AIRE: variants seen among roughly 807,000 people sequenced by gnomAD.
The protein encoded by AIRE is autoimmune regulator.
Under a neutral mutation model 62.1 loss-of-function variants are expected in AIRE, and 52 were observed. The observed-to-expected ratio is 0.84, with a 90% CI of 0.67 to 1.06. The LOEUF (loss-of-function observed/expected upper bound fraction) is 1.06. Among genes scored for constraint, AIRE ranks in the 50% least tolerant of loss-of-function variants. AIRE has a pLI of 0.00. For synonymous variants in AIRE, 342 were observed against 321.6 expected (o/e 1.06, Z -0.68); for missense variants, 774 against 755.8 (o/e 1.02, Z -0.28).
Position 44,295,779 on chromosome 21 carries a change from C to T in AIRE, c.1504-604C>T, listed in dbSNP as rs562620111. Among the ~76,000 whole-genome samples, 352 of 152,054 alleles carry T rather than the reference C, an allele frequency of 2.3e-3. 2 individuals are homozygous for T. The highest frequency in any genetic ancestry group is 0.011 in the South Asian group (53 of 4,826). ...CACCCCCTGGGAGCATCCTTAGGAC[C>T]GGGGAGCATCCAGGGGCTTTCCCCT... On this transcript the variant is annotated intron_variant, in intron 12 of 13. Coordinates refer to ENST00000291582, the MANE Select transcript of AIRE (RefSeq NM_000383.4).
At position 44,287,682 on chromosome 21, in the gene AIRE, T is replaced by C. The variant is rs1293426945; in HGVS notation, c.538+91T>C. On this transcript the variant is annotated intron_variant, in intron 4 of 13. Coordinates refer to ENST00000291582, the MANE Select transcript of AIRE (RefSeq NM_000383.4). The surrounding 1 kb of genome is among the most constrained non-coding windows in gnomAD (Gnocchi z 4.3). ...GCAGGGCCTGCCCTCTGAGACCCTGTCCTAGGGGCTGGGGACGTGCTGGCC... is the reference window on the plus strand; with the variant it reads ...GCAGGGCCTGCCCTCTGAGACCCTGCCCTAGGGGCTGGGGACGTGCTGGCC... The C allele has an allele frequency of 7.5e-7, 1 of 1,327,886 alleles. No homozygotes were observed. The highest frequency in any genetic ancestry group is 1.5e-5 in the African/African-American group (1 of 68,398). 82.3% of individuals were successfully genotyped at this position (1,327,886 alleles called of 1,614,324 possible).
Position 44,297,786 on chromosome 21 carries a change from C to A in AIRE, c.*59C>A. ...AGAGTGCTGAGAAGGACACCTCCTTCCTCAGTCCTGGAAGCCGGCCGGCTG... is the reference window on the plus strand; with the variant it reads ...AGAGTGCTGAGAAGGACACCTCCTTACTCAGTCCTGGAAGCCGGCCGGCTG... On this transcript the variant is annotated 3_prime_UTR_variant, in exon 14 of 14. Transcript: ENST00000291582. The surrounding 1 kb of genome is among the most constrained non-coding windows in gnomAD (Gnocchi z 4.8). 4 of 1,532,122 alleles carry A rather than the reference C, an allele frequency of 2.6e-6. No individual in the cohort carries two copies. Among genetic ancestry groups the A allele is most frequent in the Non-Finnish European group, 3.6e-6 (4 of 1,110,656 alleles). 94.9% of individuals were successfully genotyped at this position (1,532,122 alleles called of 1,614,324 possible).
chr21:44,294,262 ACCCACACCCACACCCCTTCCTCACAC>A, intron 11 of AIRE, 113 bp from the exon 12 acceptor site: 1 of 186,352 alleles, frequency 5.4e-6, no homozygotes, highest in Non-Finnish European at 9.9e-6. Flanking sequence ...CCCACTCTCC[ACCCACACCCACACCCCTTCCTCACAC>A]CCCACACCCC....
At chr21:44,288,955 G>A (rs2040507932) in intron 5 of AIRE, 2 of 170,470 alleles carry the variant, frequency 1.2e-5, no homozygotes, top group African/African-American at 2.4e-5. Context: ...GCCGCTGGTG[G>A]CAGACCCACC....
Position 44,293,897 on chromosome 21 carries a change from A to C in AIRE, c.1387A>C (p.Thr463Pro). The C allele has an allele frequency of 6.3e-7, 1 of 1,596,156 alleles. No individual in the cohort carries two copies. Among genetic ancestry groups the C allele is most frequent in the Non-Finnish European group, 8.5e-7 (1 of 1,179,414 alleles). Residue 463 changes from threonine to proline, a missense_variant, in exon 11 of 14, where the codon ACC becomes CCC. Thr to Pro is a conservative substitution (Grantham distance 38, BLOSUM62 -1). Around this residue, in one of 3 missense-constraint regions of AIRE, gnomAD observed 354 missense variants for 296.1 expected, o/e 1.20. Coordinates refer to ENST00000291582, the MANE Select transcript of AIRE (RefSeq NM_000383.4). ...FHWRCHFPAG[T>P]SRPGTGLRCR... is the part of the protein sequence containing the mutation. ...CTGGCGCTGCCACTTCCCAGCCGGC[A>C]CCTCCCGGCCCGGGTGAGTGAGCGT...
intron 7 of AIRE, chr21:44,290,878 AG>A (rs752100711): frequency 1.2e-6 from 2 of 1,606,144 alleles, no homozygotes; most frequent in South Asian, 2.2e-5. Flanking sequence ...TCTTCCCAAT[AG>A]GGATGGCCCC....
chr21:44,292,228 T>A, intron 8 of AIRE, 74 bp from the exon 9 acceptor site: 1 of 1,224,764 alleles, frequency 8.2e-7, no homozygotes, highest in Non-Finnish European at 1.2e-6. Context: ...GCCCTGGAGC[T>A]CCACCCGTGG....
rs1448069210 is a variant in AIRE at position 44,287,356 on chromosome 21, C to G, written c.464-161C>G. On this transcript the variant is annotated intron_variant, in intron 3 of 13. Transcript: ENST00000291582. The surrounding 1 kb of genome is among the most constrained non-coding windows in gnomAD (Gnocchi z 4.3). ...CCCCGGAGCTGGTGAAGTAGGCGGGCGGGTCTCATTTCCCTTTTACTGATG... is the reference window on the plus strand; with the variant it reads ...CCCCGGAGCTGGTGAAGTAGGCGGGGGGGTCTCATTTCCCTTTTACTGATG... The G allele has an allele frequency of 1.4e-6, 1 of 715,324 alleles. No homozygotes were observed. The allele number at this position is 715,324 out of a possible 1,614,324, so 44.3% of individuals were successfully genotyped here.
At chr21:44,295,557 C>T (rs542330786) in intron 12 of AIRE, among the ~76,000 whole-genome samples, 10 of 152,334 alleles carry the variant, frequency 6.6e-5, no homozygotes, top group Admixed American at 5.2e-4. Context: ...TGCAACTGCT[C>T]CCGCAGCGGG....
rs1448069210 is a variant in AIRE, at chr21:44,287,356, C to T, written c.464-161C>T. On this transcript the variant is annotated intron_variant, in intron 3 of 13. Transcript: ENST00000291582. This position sits in a 1 kb window ranked among gnomAD's most constrained non-coding sequence, Gnocchi z 4.3. ...CCCCGGAGCTGGTGAAGTAGGCGGG[C>T]GGGTCTCATTTCCCTTTTACTGATG... The T allele has an allele frequency of 8.4e-6, 6 of 715,202 alleles. No homozygotes were observed. The highest frequency in any genetic ancestry group is 3.6e-5 in the South Asian group (2 of 55,156). 44.3% of individuals were successfully genotyped at this position (715,202 alleles called of 1,614,324 possible). A position where few individuals can be genotyped will look rare whatever the true frequency, so the allele number is the denominator to read the frequency against.
At position 44,294,414 on chromosome 21, in the gene AIRE, T is replaced by C. The variant is rs1308110649; in HGVS notation, c.1414T>C (p.Cys472Arg). 4 of 1,575,566 alleles carry C rather than the reference T, an allele frequency of 2.5e-6. No homozygotes were observed. Among genetic ancestry groups the C allele is most frequent in the South Asian group, 2.3e-5 (2 of 86,932 alleles). ...GTSRPGTGLR[C>R]RSCSGDVTPA... ...CCTCTGCTGCAGGACGGGCCTGCGC[T>C]GCAGATCCTGCTCAGGAGACGTGAC... Residue 472 changes from cysteine (C) to arginine (R), a missense_variant, in exon 12 of 14, where the codon TGC (cysteine) becomes CGC (arginine). Cys to Arg is a radical substitution (Grantham distance 180, BLOSUM62 -3). Transcript: ENST00000291582.
Position 44,297,896 on chromosome 21 carries a change from C to T in AIRE, c.*169C>T. 1 of 687,572 alleles carries T rather than the reference C, an allele frequency of 1.5e-6. No individual in the cohort carries two copies. Among genetic ancestry groups the T allele is most frequent in the Non-Finnish European group, 2.6e-6 (1 of 388,996 alleles). The allele number at this position is 687,572 out of a possible 1,614,324, so 42.6% of individuals were successfully genotyped here. On this transcript the variant is annotated 3_prime_UTR_variant, in exon 14 of 14. Transcript: ENST00000291582. This position sits in a 1 kb window ranked among gnomAD's most constrained non-coding sequence, Gnocchi z 4.8. ...TTCTGGGGACACCAGCCATCATGTG[C>T]CTGGAAATTAAACCCTGCCCCACTT...
intron 10 of AIRE, 140 bp from the exon 11 acceptor site, chr21:44,293,649 C>A: frequency 7.2e-7 from 1 of 1,384,360 alleles, no homozygotes; most frequent in Non-Finnish European, 9.8e-7. Context: ...GCCTGCGTGG[C>A]ACCGTGAGGC....
chr21:44,290,944 T>C (rs369810277), intron 7 of AIRE, 151 bp from the exon 8 acceptor site: 2 of 1,612,018 alleles, frequency 1.2e-6, no homozygotes, highest in African/African-American at 2.7e-5. Flanking sequence ...AGGGCAGAAT[T>C]TCAGGCCCTG....
At position 44,290,120 on chromosome 21, in the gene AIRE, G is replaced by A. The variant is rs757809666; in HGVS notation, c.879+52G>A. ...CCCTGTCTGCCCTTGCTCCCCTCGG[G>A]TGGGTCCTGCTGCCTCTGCCTTTAC... On this transcript the variant is annotated intron_variant, in intron 7 of 13. Coordinates refer to ENST00000291582, the MANE Select transcript of AIRE (RefSeq NM_000383.4). 9.5e-6 allele frequency: 15 copies of A among 1,579,822 alleles called. No homozygotes were observed. In the South Asian group the frequency reaches 1.7e-4, roughly 18 times the overall value.
rs72650675 is a variant in AIRE, at chr21:44,289,971, G to T, written c.799-17G>T. On this transcript the variant is annotated splice_polypyrimidine_tract_variant and intron_variant, in intron 6 of 13. Transcript: ENST00000291582. ...TGCTGAGGCTGCCCCCATTGCTGAC[G>T]CCCCTCTTCCTTGCAGGGTGGAGGT... 3 of 1,609,410 alleles carry T rather than the reference G, an allele frequency of 1.9e-6. No individual in the cohort carries two copies. In the African/African-American group the frequency reaches 4.0e-5, roughly 21 times the overall value.
chr21:44,293,644 C>A (rs535113255), intron 10 of AIRE, 145 bp from the exon 11 acceptor site: 2 of 1,349,298 alleles, frequency 1.5e-6, no homozygotes, highest in East Asian at 2.5e-5. Context: ...CTGCAGCCTG[C>A]GTGGCACCGT....
At chr21:44,291,047 G>T in intron 7 of AIRE, 48 bp from the exon 8 acceptor site, 1 of 1,613,492 alleles carries the variant, frequency 6.2e-7, no homozygotes, top group Non-Finnish European at 8.5e-7. Flanking sequence ...TCTCAGGAGG[G>T]TGCTGCACCC....
chr21:44,294,928 C>T (rs1198600998), intron 12 of AIRE, among the ~76,000 whole-genome samples: 1 of 152,180 alleles, frequency 6.6e-6, no homozygotes, highest in African/African-American at 2.4e-5. Context: ...TGGCCAGAGC[C>T]CTCTCAGAGA....
Sources: allele counts gnomAD v4.1 joint callset (sites outside exome capture counted in the v4.1 genomes callset), GRCh38; gene constraint gnomAD v4.1.1; regional missense constraint gnomAD v4.1.1; non-coding constraint Gnocchi (gnomAD v3.1); transcripts MANE v1.5; gene names NCBI Gene and HGNC (gene_info 2026-07-23, HGNC 2026-07-21).